The following ACVR1C variants were observed in gnomAD, a reference collection of about 807,000 sequenced individuals.
ACVR1C encodes activin receptor type-1C.
Under a neutral mutation model 57.9 loss-of-function variants are expected in ACVR1C, and 23 were observed. That is an observed-to-expected ratio of 0.40 (90% CI 0.29 to 0.56). The LOEUF (loss-of-function observed/expected upper bound fraction) is 0.56. Among genes scored for constraint, ACVR1C ranks in the 20% least tolerant of loss-of-function variants. The pLI, the probability that ACVR1C is intolerant of heterozygous loss-of-function variation, is 0.50. For synonymous variants in ACVR1C, 214 were observed against 215.3 expected, an observed-to-expected ratio of 0.99 and a Z score of 0.05; for missense variants, 480 against 607.9, an observed-to-expected ratio of 0.79 and a Z score of 2.21.
chr2:157,576,197 T>C (rs988705798), intron 2 of ACVR1C, among the ~76,000 whole-genome samples: 5 of 138,304 alleles, frequency 3.6e-5, no homozygotes, highest in Non-Finnish European at 7.8e-5. Context: ...TGAGGAATAA[T>C]CATTTCTTTT....
Position 157,556,276 on chromosome 2 carries a change from G to A in ACVR1C, c.361C>T (p.Pro121Ser). The part of the protein sequence containing the change: ...PMELAIIITV[P>S]VCLLSIAAML... ...GCAGCTATGGACAGGAGGCAAACAG[G>A]CACAGTAATAATGATGGCCAGCTCC... The change falls in exon 3 of 9, where the codon CCT becomes TCT. Residue 121 changes from proline (P) to serine (S), a missense_variant. Physicochemically the swap from Pro to Ser is moderately conservative, Grantham distance 74. Coordinates refer to ENST00000243349, the MANE Select transcript of ACVR1C (RefSeq NM_145259.3). 1 of 1,614,166 alleles carries A rather than the reference G, an allele frequency of 6.2e-7. No individual in the cohort carries two copies. Among genetic ancestry groups the A allele is most frequent in the South Asian group, 1.1e-5 (1 of 91,084 alleles).
chr2:157,613,429 T>C (rs1175560599), intron 1 of ACVR1C, among the ~76,000 whole-genome samples: 1 of 151,754 alleles, frequency 6.6e-6, no homozygotes, highest in East Asian at 1.9e-4. Flanking sequence ...TTTTTATTGT[T>C]GTATTGTTAA....
At chr2:157,554,268 A>AAAGAAAGAAAGAAAGGAAGGAAGAAAGG (rs1261113225) in intron 3 of ACVR1C, among the ~76,000 whole-genome samples, 1 of 113,562 alleles carries the variant, frequency 8.8e-6, no homozygotes, top group Non-Finnish European at 1.7e-5. Flanking sequence ...AGAAAGAAAG[A>AAAGAAAGAAAGAAAGGAAGGAAGAAAGG]AAGGAAGGAA....
At chr2:157,616,730 A>G (rs1360054857) in intron 1 of ACVR1C, among the ~76,000 whole-genome samples, 1 of 152,130 alleles carries the variant, frequency 6.6e-6, no homozygotes, top group African/African-American at 2.4e-5. Context: ...TTGAAGTGTC[A>G]GGTGTGAAGA....
chr2:157,615,899 A>AT (rs1337548353), intron 1 of ACVR1C, among the ~76,000 whole-genome samples: 2 of 152,134 alleles, frequency 1.3e-5, no homozygotes, highest in Non-Finnish European at 2.9e-5. Context: ...TGTAAGAGGT[A>AT]TTTTTTAATG....
rs1687407599 is a variant in ACVR1C, at chr2:157,533,524, A to G, written c.*394T>C. 6.5e-6 allele frequency: 1 copy of G among 153,050 alleles called. No individual in the cohort carries two copies. The highest frequency in any genetic ancestry group is 2.4e-5 in the African/African-American group (1 of 41,476). 9.5% of individuals were successfully genotyped at this position (153,050 alleles called of 1,614,324 possible). On this transcript the variant is annotated 3_prime_UTR_variant, in exon 9 of 9. Transcript: ENST00000243349. ...TAGCATGCTCTAATTTGCATGTTTA[A>G]TTAATATGTTTTCATCTCAGAAAAA...
chr2:157,574,901 C>CT (rs1163592361), intron 2 of ACVR1C, among the ~76,000 whole-genome samples: 13 of 152,186 alleles, frequency 8.5e-5, no homozygotes, highest in Non-Finnish European at 1.9e-4. Flanking sequence ...TAACTCCAAC[C>CT]TTTGCATCCA....
At chr2:157,539,372 A>G (rs1687565976) in intron 7 of ACVR1C, among the ~76,000 whole-genome samples, 1 of 152,200 alleles carries the variant, frequency 6.6e-6, no homozygotes, top group African/African-American at 2.4e-5. Flanking sequence ...GACGACCTCA[A>G]TTATTAGAAT....
intron 2 of ACVR1C, among the ~76,000 whole-genome samples, chr2:157,586,872 T>C (rs558663576): frequency 6.6e-6 from 1 of 152,196 alleles, no homozygotes; most frequent in Non-Finnish European, 1.5e-5. Context: ...CAAGAAGCAA[T>C]CTCAATTTCT....
intron 1 of ACVR1C, among the ~76,000 whole-genome samples, chr2:157,619,608 A>G (rs1682722295): frequency 6.6e-6 from 1 of 152,018 alleles, no homozygotes; most frequent in African/African-American, 2.4e-5. Flanking sequence ...AACAGTAACT[A>G]TTTGTTTCAC....
At chr2:157,609,081 G>GT (rs1682471086) in intron 1 of ACVR1C, among the ~76,000 whole-genome samples, 2 of 150,976 alleles carry the variant, frequency 1.3e-5, no homozygotes, top group South Asian at 2.1e-4. Context: ...AATCAGGTGT[G>GT]TTTTTTTTAG....
intron 2 of ACVR1C, among the ~76,000 whole-genome samples, chr2:157,581,133 C>T (rs1232381902): frequency 6.6e-6 from 1 of 152,052 alleles, no homozygotes; most frequent in East Asian, 1.9e-4. Context: ...TAAATCTTCT[C>T]TGGAGGAACA....
chr2:157,534,126 G>C, intron 8 of ACVR1C, 83 bp from the exon 9 acceptor site: 1 of 1,221,222 alleles, frequency 8.2e-7, no homozygotes. Context: ...ATAAATCCAG[G>C]AATTGATGCT....
Position 157,528,302 on chromosome 2 carries a change from G to C in ACVR1C, c.*5616C>G, listed in dbSNP as rs914119034. On this transcript the variant is annotated 3_prime_UTR_variant, in exon 9 of 9. Transcript: ENST00000243349. ...ATCTCCTAAGGCACTCAGATTCTTA[G>C]TGGCCCTATTAAAATTCAGATTAAC... The C allele has an allele frequency of 3.3e-5, 5 of 152,086 alleles. No homozygotes were observed. The highest frequency in any genetic ancestry group is 1.2e-4 in the African/African-American group (5 of 41,400). 9.4% of individuals were successfully genotyped at this position (152,086 alleles called of 1,614,324 possible). A position where few individuals can be genotyped will look rare whatever the true frequency, so the allele number is the denominator to read the frequency against.
At position 157,538,615 on chromosome 2, in the gene ACVR1C, C is replaced by T. The variant is rs1389089307; in HGVS notation, c.1314G>A (p.Gln438=). ...IEEMRKVVCD[Q]KFRPSIPNQW... is the part of the protein sequence containing the mutation. Reference sequence around the variant, plus strand: ...GGTTTGGGATACTTGGTCGAAACTTCTGGTCACAAACAACCTTTCTCATTT... The same window carrying T: ...GGTTTGGGATACTTGGTCGAAACTTTTGGTCACAAACAACCTTTCTCATTT... Residue 438 remains glutamine, a synonymous_variant, in exon 8 of 9, where the codon CAG becomes CAA. Coordinates refer to ENST00000243349, the MANE Select transcript of ACVR1C (RefSeq NM_145259.3). 6.3e-7 allele frequency: 1 copy of T among 1,581,792 alleles called. No individual in the cohort carries two copies.
At position 157,527,082 on chromosome 2, in the gene ACVR1C, A is replaced by G. The variant is rs190276805; in HGVS notation, c.*6836T>C. On this transcript the variant is annotated 3_prime_UTR_variant, in exon 9 of 9. Transcript: ENST00000243349. ...TATTATTTCTAAATAAAATAAGTCTATACATATTACTATAAAATGCATATT... is the reference window on the plus strand; with the variant it reads ...TATTATTTCTAAATAAAATAAGTCTGTACATATTACTATAAAATGCATATT... 5.4e-4 allele frequency: 83 copies of G among 152,312 alleles called. No homozygotes were observed. Among genetic ancestry groups the G allele is most frequent in the African/African-American group, 2.0e-3 (82 of 41,572 alleles). 9.4% of individuals were successfully genotyped at this position (152,312 alleles called of 1,614,324 possible). A position where few individuals can be genotyped will look rare whatever the true frequency, so the allele number is the denominator to read the frequency against.
rs1281536757 is a variant in ACVR1C, at chr2:157,527,745, C to T, written c.*6173G>A. ...AAAAAGGGCTGTGTCCTTAAAAATA[C>T]TTAGTTACTATTATTTAGCCTATGG... On this transcript the variant is annotated 3_prime_UTR_variant, in exon 9 of 9. Coordinates refer to ENST00000243349, the MANE Select transcript of ACVR1C (RefSeq NM_145259.3). The T allele has an allele frequency of 6.6e-6, 1 of 152,142 alleles. No individual in the cohort carries two copies. The highest frequency in any genetic ancestry group is 1.5e-5 in the Non-Finnish European group (1 of 68,028). 9.4% of individuals were successfully genotyped at this position (152,142 alleles called of 1,614,324 possible). A position where few individuals can be genotyped will look rare whatever the true frequency, so the allele number is the denominator to read the frequency against.
intron 3 of ACVR1C, among the ~76,000 whole-genome samples, chr2:157,555,750 C>T (rs985554694): frequency 2.0e-5 from 3 of 152,140 alleles, no homozygotes; most frequent in African/African-American, 4.8e-5. Flanking sequence ...GTCCATAAAA[C>T]ATTATCAACA....
At position 157,531,185 on chromosome 2, in the gene ACVR1C, T is replaced by C. The variant is rs1687342787; in HGVS notation, c.*2733A>G. On this transcript the variant is annotated 3_prime_UTR_variant, in exon 9 of 9. Transcript: ENST00000243349. ...AAGTATATACAAGAAGCCTGCCTTA[T>C]GCTCTAAACTTCATCATCCTATTTT... The C allele has an allele frequency of 6.6e-6, 1 of 152,078 alleles. No individual in the cohort carries two copies. Among genetic ancestry groups the C allele is most frequent in the Non-Finnish European group, 1.5e-5 (1 of 67,962 alleles). 9.4% of individuals were successfully genotyped at this position (152,078 alleles called of 1,614,324 possible). A position where few individuals can be genotyped will look rare whatever the true frequency, so the allele number is the denominator to read the frequency against.
Sources: allele counts gnomAD v4.1 joint callset (sites outside exome capture counted in the v4.1 genomes callset), GRCh38; gene constraint gnomAD v4.1.1; transcripts MANE v1.5; gene names NCBI Gene and HGNC (gene_info 2026-07-23, HGNC 2026-07-21).